The following CADPS2 variants were observed in gnomAD, a reference collection of about 807,000 sequenced individuals.
CADPS2 encodes the protein calcium-dependent secretion activator 2.
In CADPS2, 93 loss-of-function variants were observed where a neutral mutation model predicts 172.5. The observed-to-expected ratio is 0.54, with a 90% confidence interval of 0.46 to 0.64. The LOEUF (loss-of-function observed/expected upper bound fraction) is 0.64. Among genes scored for constraint, CADPS2 ranks in the 30% least tolerant of loss-of-function variants. The pLI is 0.00. For synonymous variants in CADPS2, 546 were observed against 555.2 expected (o/e 0.98, Z 0.23); for missense variants, 1,420 against 1,565.9 (o/e 0.91, Z 1.57).
At chr7:122,689,707 T>C (rs904015239) in intron 2 of CADPS2, among the ~76,000 whole-genome samples, 12 of 152,164 alleles carry the variant, frequency 7.9e-5, no homozygotes, top group Admixed American at 7.9e-4. Context: ...CAAAGTCCAC[T>C]GGGGCCCAGC....
intron 8 of CADPS2, among the ~76,000 whole-genome samples, chr7:122,521,473 G>T: frequency 6.8e-6 from 1 of 146,750 alleles, no homozygotes. Context: ...ACTTTTTTGC[G>T]GGGGGGTGAG....
intron 1 of CADPS2, among the ~76,000 whole-genome samples, chr7:122,793,425 T>C (rs1187437352): frequency 2.6e-5 from 4 of 152,174 alleles, no homozygotes; most frequent in Non-Finnish European, 5.9e-5. Context: ...TTAAAGTCTG[T>C]TTTGTCTGAA....
Position 122,552,240 on chromosome 7 carries a change from ACAT to A in CADPS2, c.1475+2307_1475+2309del, listed in dbSNP as rs2064389411. ...CTACATAACACACTATCTTAGCATAACATCATCACAGATAATTTTCAGTTCTAA... is the reference window on the plus strand; with the variant it reads ...CTACATAACACACTATCTTAGCATAACATCACAGATAATTTTCAGTTCTAA... On this transcript the variant is annotated intron_variant, in intron 8 of 29. Transcript: ENST00000449022. Among the ~76,000 whole-genome samples, 4 of 152,314 alleles carry A rather than the reference ACAT, an allele frequency of 2.6e-5. No homozygotes were observed. In the South Asian group the frequency reaches 8.3e-4, roughly 32 times the overall value.
At chr7:122,384,296 A>G (rs1232348567) in intron 24 of CADPS2, among the ~76,000 whole-genome samples, 8 of 152,110 alleles carry the variant, frequency 5.3e-5, no homozygotes, top group African/African-American at 1.9e-4. Context: ...GTTTTATCCC[A>G]GCGATGACAA....
chr7:122,583,419 C>T lies in CADPS2; in HGVS notation c.1224-2129G>A, dbSNP rs574641974. 4.6e-5 allele frequency among the ~76,000 whole-genome samples: 7 copies of T among 151,820 alleles called. No homozygotes were observed. In the South Asian group the frequency reaches 1.0e-3, roughly 23 times the overall value. ...GTCACTACTCTGAAGTACCTAGCAT[C>T]CTGAATTTTATATTTATCACTCCCT... is the stretch of plus-strand genomic sequence containing the variant. On this transcript the variant is annotated intron_variant, in intron 6 of 29. Coordinates refer to ENST00000449022, the MANE Select transcript of CADPS2 (RefSeq NM_017954.11).
chr7:122,589,249 T>C (rs2070325267), intron 6 of CADPS2, among the ~76,000 whole-genome samples: 1 of 151,976 alleles, frequency 6.6e-6, no homozygotes, highest in Non-Finnish European at 1.5e-5. Context: ...TATTATCTCC[T>C]TTTAATTGAA....
chr7:122,559,407 A>C (rs1010465895), intron 7 of CADPS2, among the ~76,000 whole-genome samples: 17 of 152,126 alleles, frequency 1.1e-4, no homozygotes, highest in Admixed American at 4.6e-4. Context: ...CTCTCCACGA[A>C]AAGAACTTCA....
At chr7:122,795,637 A>C (rs965646185) in intron 1 of CADPS2, among the ~76,000 whole-genome samples, 2 of 152,206 alleles carry the variant, frequency 1.3e-5, no homozygotes, top group African/African-American at 2.4e-5. Flanking sequence ...ATCTATGTAG[A>C]AAAAACTTTC....
chr7:122,612,345 G>T (rs1042678356), intron 6 of CADPS2, among the ~76,000 whole-genome samples: 2 of 151,798 alleles, frequency 1.3e-5, no homozygotes, highest in Non-Finnish European at 2.9e-5. Flanking sequence ...AGCTCAGTAA[G>T]GTTGATTGAT....
At chr7:122,712,738 G>A (rs764016488) in intron 2 of CADPS2, among the ~76,000 whole-genome samples, 7 of 152,064 alleles carry the variant, frequency 4.6e-5, no homozygotes, top group African/African-American at 1.2e-4. Context: ...TCTGGAGGCC[G>A]AGAAGTCCAG....
chr7:122,541,683 T>TCATA (rs2062996628), intron 8 of CADPS2, among the ~76,000 whole-genome samples: 1 of 145,922 alleles, frequency 6.9e-6, no homozygotes, highest in East Asian at 2.0e-4. Flanking sequence ...GTTTATATAT[T>TCATA]TATTCATATA....
chr7:122,398,730 A>G (rs1447410857), intron 20 of CADPS2, among the ~76,000 whole-genome samples: 1 of 149,720 alleles, frequency 6.7e-6, no homozygotes, highest in South Asian at 2.2e-4. Flanking sequence ...TGTAAAAGGA[A>G]AACACTCTTC....
At chr7:122,676,559 G>T in intron 2 of CADPS2, 5 of 708,022 alleles carry the variant, frequency 7.1e-6, no homozygotes, top group Non-Finnish European at 1.2e-5. Flanking sequence ...GAAGGATGCT[G>T]TTAGCCCCAA....
intron 2 of CADPS2, among the ~76,000 whole-genome samples, chr7:122,679,217 C>G (rs2082712518): frequency 7.6e-6 from 1 of 131,454 alleles, no homozygotes. Context: ...ATTCTTTCCC[C>G]AGTAAGGAAT....
chr7:122,663,703 T>C, intron 2 of CADPS2, 134 bp from the exon 3 acceptor site: 2 of 688,836 alleles, frequency 2.9e-6, no homozygotes, highest in African/African-American at 1.8e-5. Flanking sequence ...TGATTCAAAA[T>C]GTTTTATAAT....
chr7:122,573,123 T>A (rs2067492199), intron 7 of CADPS2, among the ~76,000 whole-genome samples: 1 of 152,182 alleles, frequency 6.6e-6, no homozygotes, highest in African/African-American at 2.4e-5. Context: ...TGATGCTATT[T>A]ATACCAGTGC....
At chr7:122,480,948 T>C (rs2057217244) in intron 11 of CADPS2, 88 bp from the exon 12 acceptor site, 1 of 1,053,092 alleles carries the variant, frequency 9.5e-7, no homozygotes, top group African/African-American at 1.7e-5. Context: ...TAATTTTTTA[T>C]TTTCTCAATT....
At chr7:122,556,491 T>C (rs1287481182) in intron 7 of CADPS2, among the ~76,000 whole-genome samples, 1 of 152,116 alleles carries the variant, frequency 6.6e-6, no homozygotes, top group Non-Finnish European at 1.5e-5. Flanking sequence ...AAAATTGGTA[T>C]TGTACCAAAC....
chr7:122,444,577 C>T (rs1661612995), intron 15 of CADPS2, among the ~76,000 whole-genome samples: 1 of 152,126 alleles, frequency 6.6e-6, no homozygotes, highest in Non-Finnish European at 1.5e-5. Flanking sequence ...TGACGTTGAG[C>T]ATCTTTCCAT....
Sources: allele counts gnomAD v4.1 joint callset (sites outside exome capture counted in the v4.1 genomes callset), GRCh38; gene constraint gnomAD v4.1.1; transcripts MANE v1.5; gene names NCBI Gene and HGNC (gene_info 2026-07-23, HGNC 2026-07-21).